Variants in ZNRF1 observed in about 807,000 individuals in gnomAD.
ZNRF1 encodes the protein zinc and ring finger 1.
In ZNRF1, 3 loss-of-function variants were observed where a neutral mutation model predicts 18.4. The observed-to-expected ratio is 0.16, with a 90% CI of 0.07 to 0.42. The LOEUF is 0.42. Among genes scored for constraint, ZNRF1 ranks in the 10% least tolerant of loss-of-function variants. The pLI is 0.99. For missense variants in ZNRF1, 310 were observed against 329.8 expected (o/e 0.94, Z 0.47); for synonymous variants, 157 against 144.2 (o/e 1.09, Z -0.64).
intron 1 of ZNRF1, chr16:75,084,285 A>G (rs1031564586): frequency 5.9e-5 from 9 of 152,256 alleles, no homozygotes; most frequent in African/African-American, 1.9e-4. Context: ...GGTGAACAGC[A>G]TTGATGACTT....
intron 1 of ZNRF1, among the ~76,000 whole-genome samples, chr16:75,091,460 T>C (rs951745316): frequency 1.3e-5 from 2 of 151,838 alleles, no homozygotes; most frequent in African/African-American, 4.8e-5. Context: ...GTCCAGTCTT[T>C]ACAACAGTAT....
chr16:75,083,027 G>C (rs1158052779), intron 1 of ZNRF1, among the ~76,000 whole-genome samples: 5 of 152,102 alleles, frequency 3.3e-5, no homozygotes. Context: ...AATATCTGTG[G>C]AATACCATAT....
At position 75,092,269 on chromosome 16, in the gene ZNRF1, G is replaced by A. The variant is rs751494679; in HGVS notation, c.425-1303G>A. ...TCACATTGAGTAGGCTGAAGAGGAG[G>A]AGGAGGAGGGGTTGGTCTTGCTGTC... On this transcript the variant is annotated intron_variant, in intron 1 of 4. Coordinates refer to ENST00000335325, the MANE Select transcript of ZNRF1 (RefSeq NM_032268.5). 8.5e-5 allele frequency among the ~76,000 whole-genome samples: 13 copies of A among 152,322 alleles called. 1 individual carries two copies. The highest frequency in any genetic ancestry group is 2.1e-4 in the South Asian group (1 of 4,830).
intron 3 of ZNRF1, 49 bp from the exon 4 acceptor site, chr16:75,106,433 A>G: frequency 1.2e-6 from 2 of 1,609,902 alleles, no homozygotes; most frequent in Non-Finnish European, 1.7e-6. Context: ...CCTTCAAAGC[A>G]GCCTGGGCAG....
Position 75,040,745 on chromosome 16 carries a change from T to C in ZNRF1, c.424+40650T>C, listed in dbSNP as rs550318220. ...GCTTAGCCTCCTGAGTAGCTGGGAT[T>C]ATGGGTGCGCGCCACCATGCCCAGC... On this transcript the variant is annotated intron_variant, in intron 1 of 4. Coordinates refer to ENST00000335325, the MANE Select transcript of ZNRF1 (RefSeq NM_032268.5). 1.4e-3 allele frequency among the ~76,000 whole-genome samples: 206 copies of C among 151,840 alleles called. 1 individual carries two copies. Among genetic ancestry groups the C allele is most frequent in the Middle Eastern group, 0.01 (3 of 294 alleles).
intron 1 of ZNRF1, among the ~76,000 whole-genome samples, chr16:75,092,345 T>G (rs2036149793): frequency 6.6e-6 from 1 of 152,116 alleles, no homozygotes. Context: ...AGCCCCACCA[T>G]TCGAGCCCAT....
chr16:75,075,628 T>C (rs4887802), intron 1 of ZNRF1, among the ~76,000 whole-genome samples: 46,870 of 152,080 alleles, frequency 0.31, 8,358 homozygotes, highest in East Asian at 0.64. Flanking sequence ...CCAACAGATA[T>C]TTTCAAGAGC....
intron 1 of ZNRF1, among the ~76,000 whole-genome samples, chr16:75,032,475 A>G (rs748602422): frequency 1.1e-4 from 17 of 152,098 alleles, no homozygotes; most frequent in Admixed American, 2.6e-4. Context: ...TCCTTTGTCA[A>G]TTGACTTTGT....
rs1300284780 is a variant in ZNRF1 at position 75,107,898 on chromosome 16, G to T, written c.*198G>T. ...TTGGATGAGAGCAAGTTTGAGAGAAGAATGAATCAACTGCTATCCTTCCCC... is the reference window on the plus strand; with the variant it reads ...TTGGATGAGAGCAAGTTTGAGAGAATAATGAATCAACTGCTATCCTTCCCC... On this transcript the variant is annotated 3_prime_UTR_variant, in exon 5 of 5. Transcript: ENST00000335325. The T allele has an allele frequency of 2.3e-6, 1 of 431,598 alleles. No individual in the cohort carries two copies. Among genetic ancestry groups the T allele is most frequent in the Non-Finnish European group, 4.7e-6 (1 of 210,636 alleles). 26.7% of individuals were successfully genotyped at this position (431,598 alleles called of 1,614,324 possible). A position where few individuals can be genotyped will look rare whatever the true frequency, so the allele number is the denominator to read the frequency against.
intron 1 of ZNRF1, among the ~76,000 whole-genome samples, chr16:75,063,291 A>G (rs1284873675): frequency 3.3e-5 from 5 of 152,132 alleles, no homozygotes; most frequent in Non-Finnish European, 5.9e-5. Context: ...ATCTGCAGGG[A>G]GTGCCTTCAG....
At chr16:75,003,959 A>AT (rs61398639) in intron 1 of ZNRF1, among the ~76,000 whole-genome samples, 120 of 146,098 alleles carry the variant, frequency 8.2e-4, no homozygotes, top group East Asian at 5.4e-3. Flanking sequence ...ATCGCCTCAG[A>AT]TTTTTTTTTT....
chr16:75,049,510 G>T (rs1335302148), intron 1 of ZNRF1, among the ~76,000 whole-genome samples: 1 of 152,098 alleles, frequency 6.6e-6, no homozygotes, highest in Non-Finnish European at 1.5e-5. Context: ...AAAATTGCTT[G>T]TAGAGGCTGG....
intron 2 of ZNRF1, chr16:75,095,691 C>T: frequency 6.5e-7 from 1 of 1,549,676 alleles, no homozygotes; most frequent in South Asian, 1.2e-5. Context: ...ACAGAGTGCT[C>T]TTGGGCCCCC....
chr16:75,057,716 A>T (rs139460112), intron 1 of ZNRF1, among the ~76,000 whole-genome samples: 1 of 152,184 alleles, frequency 6.6e-6, no homozygotes, highest in East Asian at 1.9e-4. Flanking sequence ...GCTTACTGCA[A>T]CTTCCGTCTC....
At chr16:75,055,037 C>A (rs147109902) in intron 1 of ZNRF1, among the ~76,000 whole-genome samples, 18 of 152,180 alleles carry the variant, frequency 1.2e-4, no homozygotes, top group Non-Finnish European at 2.4e-4. Flanking sequence ...TTCAGAAAGA[C>A]GGCCCTTTGT....
At chr16:75,062,177 C>G (rs191990436) in intron 1 of ZNRF1, among the ~76,000 whole-genome samples, 1 of 152,198 alleles carries the variant, frequency 6.6e-6, no homozygotes, top group Non-Finnish European at 1.5e-5. Flanking sequence ...CAGAGCTGTT[C>G]CAGCTCATTT....
chr16:75,046,288 G>T (rs1336978711), intron 1 of ZNRF1, among the ~76,000 whole-genome samples: 3 of 151,154 alleles, frequency 2.0e-5, no homozygotes, highest in Non-Finnish European at 4.4e-5. Flanking sequence ...GTTTTGCTCT[G>T]TCACCCAGGC....
At chr16:75,024,812 T>A (rs1275395863) in intron 1 of ZNRF1, among the ~76,000 whole-genome samples, 1 of 152,272 alleles carries the variant, frequency 6.6e-6, no homozygotes, top group African/African-American at 2.4e-5. Flanking sequence ...TTCTTCCTGC[T>A]TCTTTCGTGG....
At chr16:75,017,236 T>C (rs1597859917) in intron 1 of ZNRF1, among the ~76,000 whole-genome samples, 2 of 152,348 alleles carry the variant, frequency 1.3e-5, no homozygotes, top group Admixed American at 1.3e-4. Context: ...GTTAACTTTC[T>C]GTGAGGAGAA....
Sources: gnomAD v4.1 joint callset for allele counts (sites outside exome capture counted in the v4.1 genomes callset) on GRCh38, gnomAD v4.1.1 for gene constraint, MANE v1.5 for transcripts, NCBI Gene and HGNC (gene_info 2026-07-23, HGNC 2026-07-21) for gene names.